Variants in DENND1B observed in about 807,000 individuals in gnomAD.
DENND1B encodes the protein DENN domain-containing protein 1B.
In DENND1B, 59 loss-of-function variants were observed where a neutral mutation model predicts 90.1. The observed-to-expected ratio is 0.65, with a 90% confidence interval of 0.53 to 0.81. The LOEUF (loss-of-function observed/expected upper bound fraction) is 0.81. Ranked by LOEUF, DENND1B falls within the 40% of genes least tolerant of loss-of-function variation. The pLI, the probability that DENND1B is intolerant of heterozygous loss-of-function variation, is 0.00. For synonymous variants in DENND1B, 337 were observed against 324.6 expected (o/e 1.04, Z -0.41); for missense variants, 862 against 912.6 (o/e 0.94, Z 0.71).
rs781735568 is a variant in DENND1B, at chr1:197,607,074, A to G, written c.920T>C (p.Val307Ala). 15 of 1,602,512 alleles carry G rather than the reference A, an allele frequency of 9.4e-6. No homozygotes were observed. In the Admixed American group the frequency reaches 2.5e-4, roughly 27 times the overall value. ...FSDLNNLPSD[V>A]VSALKNKLKK... ...CCACTGAATAGCCTTCATACTTACC[A>G]CATCACTTGGTAGGTTGTTCAAGTC... is the stretch of plus-strand genomic sequence containing the variant. Residue 307 changes from valine to alanine, a missense_variant and splice_region_variant, in exon 13 of 23, where the codon GTG (valine) becomes GCG (alanine). By Grantham distance (64) the Val-to-Ala change is moderately conservative (BLOSUM62 0). Transcript: ENST00000620048.
chr1:197,522,267 T>C (rs1668831814), intron 20 of DENND1B, among the ~76,000 whole-genome samples: 1 of 152,070 alleles, frequency 6.6e-6, no homozygotes, highest in African/African-American at 2.4e-5. Flanking sequence ...AAGATACGTA[T>C]TTGGTGAAGT....
intron 2 of DENND1B, chr1:197,735,978 G>A: frequency 4.9e-6 from 6 of 1,222,422 alleles, no homozygotes; most frequent in Admixed American, 2.0e-5. Flanking sequence ...TGCTAAGGAA[G>A]CAAAAAAGGC....
At chr1:197,605,824 A>G (rs1402501408) in intron 13 of DENND1B, 8 of 151,160 alleles carry the variant, frequency 5.3e-5, no homozygotes, top group Non-Finnish European at 8.9e-5. Flanking sequence ...GTCAGCAAGT[A>G]TTTTACGGTA....
At chr1:197,675,999 C>G (rs562213989) in intron 3 of DENND1B, among the ~76,000 whole-genome samples, 1 of 147,422 alleles carries the variant, frequency 6.8e-6, no homozygotes. Context: ...AAGCATCCCT[C>G]AGGGGACAAG....
At chr1:197,742,342 A>C (rs1198549727) in intron 2 of DENND1B, among the ~76,000 whole-genome samples, 1 of 152,178 alleles carries the variant, frequency 6.6e-6, no homozygotes, top group Non-Finnish European at 1.5e-5. Flanking sequence ...TTGTGGAACA[A>C]GACACATTTA....
intron 3 of DENND1B, among the ~76,000 whole-genome samples, chr1:197,682,604 T>C (rs1267438993): frequency 1.3e-5 from 2 of 152,050 alleles, no homozygotes; most frequent in Non-Finnish European, 2.9e-5. Flanking sequence ...AAGACAGACA[T>C]ATAAATCAAT....
rs370951684 is a variant in DENND1B at position 197,647,055 on chromosome 1, C to T, written c.507G>A (p.Pro169=). 103 of 1,466,478 alleles carry T rather than the reference C, an allele frequency of 7.0e-5. No individual in the cohort carries two copies. Among genetic ancestry groups the T allele is most frequent in the Non-Finnish European group, 8.2e-5 (92 of 1,116,826 alleles). The allele number at this position is 1,466,478 out of a possible 1,614,324, so 90.8% of individuals were successfully genotyped here. A position where few individuals can be genotyped will look rare whatever the true frequency, so the allele number is the denominator to read the frequency against. ...AGAAGCCAATGTCCTTTTAACTCAC[C>T]GGTACTAGAGCAGGCTGATCTTTCA... The part of the protein sequence containing the change: ...QVLKDQPALV[P]HSYFIAPDVT... The change falls in exon 8 of 23, where the codon CCG becomes CCA. Residue 169 remains proline (P), a splice_region_variant and synonymous_variant. Transcript: ENST00000620048.
chr1:197,558,594 T>C (rs1481488135), intron 15 of DENND1B, among the ~76,000 whole-genome samples: 1 of 151,742 alleles, frequency 6.6e-6, no homozygotes, highest in African/African-American at 2.4e-5. Context: ...TATAAAATCA[T>C]TAATAATTAG....
At chr1:197,770,997 C>T (rs893686865) in intron 2 of DENND1B, among the ~76,000 whole-genome samples, 1 of 150,408 alleles carries the variant, frequency 6.6e-6, no homozygotes, top group African/African-American at 2.5e-5. Context: ...CTGCAACCTC[C>T]ACAACCCCAG....
chr1:197,724,592 A>G (rs935070965), intron 2 of DENND1B, among the ~76,000 whole-genome samples: 3 of 152,142 alleles, frequency 2.0e-5, no homozygotes, highest in Non-Finnish European at 2.9e-5. Flanking sequence ...GGGTAATTCA[A>G]AATTACTACA....
intron 15 of DENND1B, among the ~76,000 whole-genome samples, chr1:197,569,175 T>C (rs1452684386): frequency 6.6e-6 from 1 of 151,552 alleles, no homozygotes; most frequent in Non-Finnish European, 1.5e-5. Flanking sequence ...AGTGAAAAAA[T>C]GTTCAACATC....
At chr1:197,543,080 G>A (rs1670461455) in intron 18 of DENND1B, among the ~76,000 whole-genome samples, 1 of 151,940 alleles carries the variant, frequency 6.6e-6, no homozygotes, top group Non-Finnish European at 1.5e-5. Flanking sequence ...GACCATAGGA[G>A]CACGACACCA....
chr1:197,588,656 AG>A (rs1388401722), intron 14 of DENND1B, among the ~76,000 whole-genome samples: 6 of 152,178 alleles, frequency 3.9e-5, no homozygotes, highest in Admixed American at 3.9e-4. Flanking sequence ...CTCTGCTGTC[AG>A]ATATCTCATG....
intron 8 of DENND1B, 45 bp from the exon 9 acceptor site, chr1:197,645,788 T>A (rs1024666710): frequency 3.1e-6 from 4 of 1,279,132 alleles, no homozygotes; most frequent in Non-Finnish European, 4.3e-6. Flanking sequence ...TAATTAAAAC[T>A]GGTAACATAT....
intron 2 of DENND1B, among the ~76,000 whole-genome samples, chr1:197,769,771 C>T (rs1439703236): frequency 2.0e-5 from 3 of 152,036 alleles, no homozygotes; most frequent in Non-Finnish European, 2.9e-5. Context: ...AAAAAATTAT[C>T]GTACCTTAAA....
intron 2 of DENND1B, among the ~76,000 whole-genome samples, chr1:197,729,101 C>T (rs1037538244): frequency 6.6e-6 from 1 of 152,102 alleles, no homozygotes; most frequent in African/African-American, 2.4e-5. Context: ...TATTCCTGAT[C>T]TATGCTATGA....
chr1:197,595,090 A>G, intron 14 of DENND1B, 118 bp downstream of exon 14: 1 of 1,335,392 alleles, frequency 7.5e-7, no homozygotes, highest in South Asian at 1.5e-5. Flanking sequence ...TTGGATCTTA[A>G]AAGATTTCCA....
intron 2 of DENND1B, among the ~76,000 whole-genome samples, chr1:197,771,721 C>T (rs1205547571): frequency 6.6e-6 from 1 of 152,188 alleles, no homozygotes; most frequent in Non-Finnish European, 1.5e-5. Flanking sequence ...AGACTTTCCT[C>T]CAAGGCTTTA....
At position 197,534,131 on chromosome 1, in the gene DENND1B, A is replaced by ATT. The variant is rs1669709461; in HGVS notation, c.1515+5832_1515+5833insAA. On this transcript the variant is annotated intron_variant, in intron 20 of 22. Coordinates refer to ENST00000620048, the MANE Select transcript of DENND1B (RefSeq NM_001195215.2). ...AAAAGTGGGCGAAGGACATGAACAG[A>ATT]CACTTCTCAAAACAAATCTTTTAAA... Among the ~76,000 whole-genome samples the ATT allele has an allele frequency of 1.3e-5, 2 of 151,360 alleles. 1 individual carries two copies. The highest frequency in any genetic ancestry group is 4.9e-5 in the African/African-American group (2 of 41,224).
Sources: allele counts gnomAD v4.1 joint callset (sites outside exome capture counted in the v4.1 genomes callset), GRCh38; gene constraint gnomAD v4.1.1; transcripts MANE v1.5; gene names NCBI Gene and HGNC (gene_info 2026-07-23, HGNC 2026-07-21).